SRRM3: variants seen among roughly 807,000 people sequenced by gnomAD.
SRRM3 encodes the protein serine/arginine repetitive matrix protein 3.
In SRRM3, 27 loss-of-function variants were observed where a neutral mutation model predicts 66.2. The observed-to-expected ratio is 0.41, with a 90% CI of 0.30 to 0.56. The LOEUF (loss-of-function observed/expected upper bound fraction) is 0.56. Ranked by LOEUF, SRRM3 falls within the 20% of genes least tolerant of loss-of-function variation. The pLI is 0.32. For missense variants in SRRM3, 918 were observed against 991.9 expected (o/e 0.93, Z 1.00); for synonymous variants, 391 against 414.9 (o/e 0.94, Z 0.70).
intron 3 of SRRM3, among the ~76,000 whole-genome samples, chr7:76,255,357 C>T (rs1336583875): frequency 5.3e-5 from 8 of 151,916 alleles, no homozygotes; most frequent in Non-Finnish European, 1.2e-4. Flanking sequence ...CCATGCTGGT[C>T]AGGCTGGTCT....
intron 11 of SRRM3, among the ~76,000 whole-genome samples, chr7:76,272,422 G>T (rs1802236647): frequency 6.6e-6 from 1 of 151,936 alleles, no homozygotes. Context: ...TTTTTAATTA[G>T]CCAGATGTGA....
In SRRM3 at chr7:76,281,594, C is replaced by CGGCGGCGGCGTA. The variant is rs1252237081; in HGVS notation, c.1173_1184dup (p.Arg392_Arg395dup). The stretch of plus-strand genomic sequence containing the variant: ...GGCGGGCGGGGCGGGCAGGCGGCGG[C>CGGCGGCGGCGTA]GGCGGCGGCGTAGGCGGCGGCGCTC... On this transcript the variant is annotated inframe_insertion, in exon 12 of 15. Coordinates refer to ENST00000611745, the MANE Select transcript of SRRM3 (RefSeq NM_001110199.3). 1.0e-6 allele frequency: 1 copy of CGGCGGCGGCGTA among 979,170 alleles called. No individual in the cohort carries two copies. Among genetic ancestry groups the CGGCGGCGGCGTA allele is most frequent in the Non-Finnish European group, 1.2e-6 (1 of 826,696 alleles). 60.7% of individuals were successfully genotyped at this position (979,170 alleles called of 1,614,324 possible).
intron 11 of SRRM3, chr7:76,272,924 G>A (rs1272563438): frequency 6.6e-6 from 1 of 152,258 alleles, no homozygotes; most frequent in Non-Finnish European, 1.5e-5. Flanking sequence ...AGAGGGAAAG[G>A]AGTGGGACTG....
intron 14 of SRRM3, chr7:76,283,682 G>C (rs1802590404): frequency 1.3e-6 from 1 of 754,484 alleles, no homozygotes; most frequent in Non-Finnish European, 2.0e-6. Flanking sequence ...TGGAGGAGGG[G>C]GCACAGCAGT....
At chr7:76,227,689 G>A (rs1554603861) in intron 1 of SRRM3, among the ~76,000 whole-genome samples, 1 of 152,162 alleles carries the variant, frequency 6.6e-6, no homozygotes, top group Admixed American at 6.5e-5. Context: ...CTTCTACAGG[G>A]CCATGATGGG....
chr7:76,265,019 G>T (rs1801972602), intron 9 of SRRM3, among the ~76,000 whole-genome samples: 1 of 151,984 alleles, frequency 6.6e-6, no homozygotes, highest in South Asian at 2.1e-4. Flanking sequence ...CCAATCCAGG[G>T]TCCTCCCAAG....
Position 76,265,593 on chromosome 7 carries a change from TCAGGGGTAGC to T in SRRM3, c.830+130_830+139del, listed in dbSNP as rs1262736451. On this transcript the variant is annotated intron_variant, in intron 10 of 14. Coordinates refer to ENST00000611745, the MANE Select transcript of SRRM3 (RefSeq NM_001110199.3). ...CAATTCATCGGTGGGTAGAAGTTTATCAGGGGTAGCCAGGTGTGGTGGCTCACTGCTGTAG... is the reference window on the plus strand; with the variant it reads ...CAATTCATCGGTGGGTAGAAGTTTATCAGGTGTGGTGGCTCACTGCTGTAG... 18 of 739,294 alleles carry T rather than the reference TCAGGGGTAGC, an allele frequency of 2.4e-5. No homozygotes were observed. In the South Asian group the frequency reaches 2.7e-4, roughly 11 times the overall value. The allele number at this position is 739,294 out of a possible 1,614,324, so 45.8% of individuals were successfully genotyped here.
At position 76,248,182 on chromosome 7, in the gene SRRM3, C is replaced by T. The variant is rs1392965109; in HGVS notation, c.234-6C>T. The T allele has an allele frequency of 2.5e-6, 4 of 1,611,226 alleles. No homozygotes were observed. Among genetic ancestry groups the T allele is most frequent in the Non-Finnish European group, 2.5e-6 (3 of 1,178,398 alleles). Reference sequence around the variant, plus strand: ...CAGCCCCTTCACCCTCTCTGTGCCCCTGCAGGTATTCGGAGGAGGAGATTC... The same window carrying T: ...CAGCCCCTTCACCCTCTCTGTGCCCTTGCAGGTATTCGGAGGAGGAGATTC... On this transcript the variant is annotated splice_polypyrimidine_tract_variant and splice_region_variant and intron_variant, in intron 2 of 14. Transcript: ENST00000611745.
chr7:76,270,704 C>T (rs782347764), intron 11 of SRRM3, among the ~76,000 whole-genome samples: 4 of 152,006 alleles, frequency 2.6e-5, no homozygotes, highest in Non-Finnish European at 5.9e-5. Flanking sequence ...ATCTCAGCTA[C>T]TCGGGAAGCT....
intron 2 of SRRM3, among the ~76,000 whole-genome samples, chr7:76,244,290 C>T (rs1215214625): frequency 3.3e-5 from 5 of 151,934 alleles, no homozygotes; most frequent in African/African-American, 1.2e-4. Flanking sequence ...TTTGGGAGGC[C>T]GAGGTGGGTG....
At chr7:76,239,785 A>G (rs1801237265) in intron 2 of SRRM3, among the ~76,000 whole-genome samples, 1 of 152,322 alleles carries the variant, frequency 6.6e-6, no homozygotes, top group African/African-American at 2.4e-5. Flanking sequence ...CATGCCTGTA[A>G]TCCCAGTACT....
chr7:76,251,854 G>A lies in SRRM3; in HGVS notation c.335+3565G>A, dbSNP rs191844451. Among the ~76,000 whole-genome samples, 473 of 152,202 alleles carry A rather than the reference G, an allele frequency of 3.1e-3. 1 individual carries two copies. Among genetic ancestry groups the A allele is most frequent in the Non-Finnish European group, 5.2e-3 (355 of 68,016 alleles). On this transcript the variant is annotated intron_variant, in intron 3 of 14. Coordinates refer to ENST00000611745, the MANE Select transcript of SRRM3 (RefSeq NM_001110199.3). ...GAGGCGGTTGGATCACTTGAGGTCA[G>A]GAGTTCAAGACCAGCCTGGCCAACA...
At chr7:76,266,914 C>T (rs1802074451) in intron 10 of SRRM3, among the ~76,000 whole-genome samples, 1 of 151,840 alleles carries the variant, frequency 6.6e-6, no homozygotes, top group African/African-American at 2.4e-5. Flanking sequence ...CTCAAGCGAT[C>T]CGCCTGTCTC....
chr7:76,255,646 T>A (rs1554607602), intron 3 of SRRM3, among the ~76,000 whole-genome samples: 1 of 152,134 alleles, frequency 6.6e-6, no homozygotes, highest in East Asian at 1.9e-4. Context: ...AGTCTCACTA[T>A]GTTGAGACCT....
chr7:76,256,956 C>T (rs190428416), intron 3 of SRRM3, among the ~76,000 whole-genome samples: 2 of 152,044 alleles, frequency 1.3e-5, no homozygotes, highest in African/African-American at 4.8e-5. Flanking sequence ...GTGATCCGCC[C>T]GCCTCAGCCT....
chr7:76,248,251 G>C lies in SRRM3; in HGVS notation c.297G>C (p.Glu99Asp). 1 of 1,613,892 alleles carries C rather than the reference G, an allele frequency of 6.2e-7. No individual in the cohort carries two copies. The highest frequency in any genetic ancestry group is 8.5e-7 in the Non-Finnish European group (1 of 1,179,878). The change falls in exon 3 of 15, where the codon GAG becomes GAC. Residue 99 changes from glutamate (E) to aspartate (D), a missense_variant. Coordinates refer to ENST00000611745, the MANE Select transcript of SRRM3 (RefSeq NM_001110199.3). ...TCCGGCAGATGCTGATGGAGAAGGA[G>C]GGAGTGCTCACCAGGGAGGACCGGC... is the stretch of plus-strand genomic sequence containing the variant. ...GTFRQMLMEK[E>D]GVLTREDRPG...
intron 1 of SRRM3, among the ~76,000 whole-genome samples, chr7:76,213,316 C>T (rs1299526740): frequency 1.3e-5 from 2 of 152,036 alleles, no homozygotes; most frequent in Admixed American, 1.3e-4. Flanking sequence ...CGGCTTTACA[C>T]CCCATTCACA....
intron 3 of SRRM3, among the ~76,000 whole-genome samples, chr7:76,251,137 A>G (rs1554606826): frequency 1.3e-5 from 2 of 152,062 alleles, no homozygotes; most frequent in Non-Finnish European, 2.9e-5. Flanking sequence ...AGCCCTGCCC[A>G]TGGCGGTCAG....
intron 1 of SRRM3, among the ~76,000 whole-genome samples, chr7:76,234,383 C>G (rs1350942312): frequency 6.6e-6 from 1 of 152,142 alleles, no homozygotes; most frequent in African/African-American, 2.4e-5. Flanking sequence ...GTTTCCAGAA[C>G]AAAGGAGGGG....
Sources: gnomAD v4.1 joint callset for allele counts (sites outside exome capture counted in the v4.1 genomes callset) on GRCh38, gnomAD v4.1.1 for gene constraint, MANE v1.5 for transcripts, NCBI Gene and HGNC (gene_info 2026-07-23, HGNC 2026-07-21) for gene names.